Variants in NAA35 observed in about 807,000 individuals in gnomAD.
NAA35 encodes the protein N-alpha-acetyltransferase 35, NatC auxiliary subunit.
NAA35 carries 18 observed loss-of-function variants against 101.7 expected under a neutral mutation model. The observed-to-expected ratio is 0.18, with a 90% confidence interval of 0.12 to 0.26. NAA35 has a LOEUF of 0.26. Among genes scored for constraint, NAA35 ranks in the 10% least tolerant of loss-of-function variants. NAA35 has a pLI of 1.00. For missense variants in NAA35, 601 were observed against 886.8 expected (o/e 0.68, Z 4.09); for synonymous variants, 267 against 273.1 (o/e 0.98, Z 0.22).
intron 1 of NAA35, 189 bp from the exon 2 acceptor site, chr9:85,941,966 A>G: frequency 8.0e-7 from 1 of 1,243,836 alleles, no homozygotes; most frequent in Non-Finnish European, 1.0e-6. Context: ...AAGCAGCAGG[A>G]GTGTTAATTG....
Position 85,945,747 on chromosome 9 carries a change from C to T in NAA35, c.124+3464C>T, listed in dbSNP as rs549342581. Among the ~76,000 whole-genome samples the T allele has an allele frequency of 9.9e-5, 15 of 152,164 alleles. No homozygotes were observed. The East Asian group carries it at 2.9e-3, about 29-fold the overall frequency. On this transcript the variant is annotated intron_variant, in intron 2 of 22. Transcript: ENST00000361671. ...TGTTAGTCAGGATGGTCTCGATCTC[C>T]TGACCTCGTGATCCATCCACCTCGG... is the stretch of plus-strand genomic sequence containing the variant.
chr9:86,011,123 T>C (rs1587657585), intron 15 of NAA35, among the ~76,000 whole-genome samples: 1 of 150,390 alleles, frequency 6.6e-6, no homozygotes, highest in East Asian at 2.1e-4. Flanking sequence ...ATGCCTGTAA[T>C]CCCAGCTACT....
intron 6 of NAA35, among the ~76,000 whole-genome samples, chr9:85,973,152 T>C (rs1306703570): frequency 6.6e-6 from 1 of 152,138 alleles, no homozygotes; most frequent in African/African-American, 2.4e-5. Flanking sequence ...GTTTGGTATG[T>C]TTGAATGACA....
At chr9:86,021,001 T>C (rs1258247010) in intron 22 of NAA35, 32 bp downstream of exon 22, 1 of 1,490,714 alleles carries the variant, frequency 6.7e-7, no homozygotes, top group African/African-American at 1.4e-5. Flanking sequence ...TAAGTGGTCT[T>C]AGATTATTGT....
chr9:85,972,171 T>C (rs1830024785), intron 6 of NAA35, among the ~76,000 whole-genome samples: 1 of 152,078 alleles, frequency 6.6e-6, no homozygotes, highest in Non-Finnish European at 1.5e-5. Context: ...ATATTTTTGT[T>C]TTGTTGTTTT....
At chr9:85,958,019 G>A (rs952455241) in intron 3 of NAA35, among the ~76,000 whole-genome samples, 1 of 151,194 alleles carries the variant, frequency 6.6e-6, no homozygotes, top group African/African-American at 2.4e-5. Context: ...TCAGCTCACC[G>A]TAACCTCCGC....
intron 8 of NAA35, among the ~76,000 whole-genome samples, chr9:85,976,049 A>G (rs527689778): frequency 6.6e-6 from 1 of 152,278 alleles, no homozygotes; most frequent in East Asian, 1.9e-4. Context: ...TGAATTGAGC[A>G]GTTAGACACA....
intron 12 of NAA35, among the ~76,000 whole-genome samples, chr9:86,001,611 A>G (rs1174712503): frequency 6.6e-6 from 1 of 152,032 alleles, no homozygotes; most frequent in African/African-American, 2.4e-5. Flanking sequence ...TGAACCCTTT[A>G]CCCTTATGTA....
intron 2 of NAA35, among the ~76,000 whole-genome samples, chr9:85,945,725 TAGTC>T (rs1828733874): frequency 1.3e-5 from 2 of 152,244 alleles, no homozygotes; most frequent in East Asian, 1.9e-4. Context: ...TTCACCGTGT[TAGTC>T]AGGATGGTCT....
intron 13 of NAA35, among the ~76,000 whole-genome samples, chr9:86,006,160 A>G (rs1321070014): frequency 1.3e-5 from 2 of 151,612 alleles, no homozygotes; most frequent in East Asian, 1.9e-4. Flanking sequence ...ACAGAGCGAG[A>G]CCCCATCTCA....
At chr9:85,969,369 T>G (rs1387106226) in intron 6 of NAA35, among the ~76,000 whole-genome samples, 3 of 152,086 alleles carry the variant, frequency 2.0e-5, no homozygotes, top group Non-Finnish European at 4.4e-5. Flanking sequence ...TGCCAAAATG[T>G]GCCCTATATT....
At position 85,942,055 on chromosome 9, in the gene NAA35, AGTT is replaced by A. The variant is rs569981971; in HGVS notation, c.-5-99_-5-97del. On this transcript the variant is annotated intron_variant, in intron 1 of 22. Coordinates refer to ENST00000361671, the MANE Select transcript of NAA35 (RefSeq NM_024635.4). ...AGAAGAGTTCTGCTTTAAAGAGTTT[AGTT>A]AAGACTTCATCCTATGCTGAAACAA... The A allele has an allele frequency of 4.3e-3, 6,499 of 1,498,334 alleles. 25 individuals are homozygous for A. The highest frequency in any genetic ancestry group is 5.3e-3 in the Non-Finnish European group (5,911 of 1,115,530). The allele number at this position is 1,498,334 out of a possible 1,614,324, so 92.8% of individuals were successfully genotyped here. A position where few individuals can be genotyped will look rare whatever the true frequency, so the allele number is the denominator to read the frequency against.
At chr9:85,990,408 C>G (rs1830852166) in intron 11 of NAA35, among the ~76,000 whole-genome samples, 1 of 152,074 alleles carries the variant, frequency 6.6e-6, no homozygotes, top group Admixed American at 6.5e-5. Flanking sequence ...TAGCAATGAC[C>G]AAAGGAAGGT....
At chr9:85,968,581 A>G (rs1176306957) in intron 6 of NAA35, among the ~76,000 whole-genome samples, 2 of 152,120 alleles carry the variant, frequency 1.3e-5, no homozygotes, top group African/African-American at 4.8e-5. Context: ...TAATACTTGT[A>G]TGTAGTTTAA....
At chr9:85,953,841 A>G (rs182280856) in intron 2 of NAA35, among the ~76,000 whole-genome samples, 2 of 152,262 alleles carry the variant, frequency 1.3e-5, no homozygotes, top group East Asian at 1.9e-4. Context: ...AGGTTAATCT[A>G]TGTTGTAGCA....
intron 5 of NAA35, among the ~76,000 whole-genome samples, chr9:85,960,582 TGGGAGG>T (rs1829472155): frequency 6.6e-6 from 1 of 152,200 alleles, no homozygotes; most frequent in Admixed American, 6.5e-5. Flanking sequence ...TTACATTGCT[TGGGAGG>T]GGCCTAGCCA....
At chr9:85,981,328 A>T (rs1057264905) in intron 11 of NAA35, among the ~76,000 whole-genome samples, 4 of 152,184 alleles carry the variant, frequency 2.6e-5, no homozygotes, top group African/African-American at 9.6e-5. Context: ...TATGAAAACC[A>T]CTATATAATA....
chr9:85,976,874 T>C (rs150106515), intron 9 of NAA35, 139 bp downstream of exon 9: 6 of 583,752 alleles, frequency 1.0e-5, no homozygotes, highest in Non-Finnish European at 1.8e-5. Context: ...GGGATTTTAT[T>C]TCCCTTGTAT....
chr9:85,964,704 T>TAA (rs1391480669), intron 6 of NAA35, among the ~76,000 whole-genome samples: 1 of 152,210 alleles, frequency 6.6e-6, no homozygotes, highest in Non-Finnish European at 1.5e-5. Context: ...GTTCTTTCCT[T>TAA]ACGATTAGAT....
Sources: gnomAD v4.1 joint callset for allele counts (sites outside exome capture counted in the v4.1 genomes callset) on GRCh38, gnomAD v4.1.1 for gene constraint, MANE v1.5 for transcripts, NCBI Gene and HGNC (gene_info 2026-07-23, HGNC 2026-07-21) for gene names.